KIAA1549L: variants seen among roughly 807,000 people sequenced by gnomAD.
The protein encoded by KIAA1549L is KIAA1549 like.
Under a neutral mutation model 160.7 loss-of-function variants are expected in KIAA1549L, and 88 were observed. The ratio of observed to expected loss-of-function variants is 0.55; its 90% CI spans 0.46 to 0.65. The LOEUF is 0.65. KIAA1549L is among the 30% of genes least tolerant of loss of function. The probability of loss-of-function intolerance (pLI) is 0.00; values close to 1 mark genes in which losing one functional copy is unlikely to be tolerated. For synonymous variants in KIAA1549L, 950 were observed against 976.7 expected, an observed-to-expected ratio of 0.97 and a Z score of 0.51; for missense variants, 2,258 against 2,437.5, an observed-to-expected ratio of 0.93 and a Z score of 1.55.
intron 12 of KIAA1549L, among the ~76,000 whole-genome samples, chr11:33,596,225 T>A (rs761435): frequency 1.3e-5 from 2 of 152,030 alleles, no homozygotes; most frequent in African/African-American, 4.8e-5. Flanking sequence ...TGAGTGGACA[T>A]GCATGCACAA....
rs1256311096 is a variant in KIAA1549L, at chr11:33,672,413, AG to A, written c.*4261del. 6.6e-6 allele frequency: 1 copy of A among 152,362 alleles called. No individual in the cohort carries two copies. Among genetic ancestry groups the A allele is most frequent in the Non-Finnish European group, 1.5e-5 (1 of 68,106 alleles). 9.4% of individuals were successfully genotyped at this position (152,362 alleles called of 1,614,324 possible). On this transcript the variant is annotated 3_prime_UTR_variant, in exon 21 of 21. Transcript: ENST00000658780. Reference sequence around the variant, plus strand: ...CCTATGGGTGAGCCACCCTGGGGTCAGGTGCCTGTCCAATCACCTGTTACCA... The same window carrying A: ...CCTATGGGTGAGCCACCCTGGGGTCAGTGCCTGTCCAATCACCTGTTACCA...
At chr11:33,493,171 C>T (rs549004263) in intron 1 of KIAA1549L, among the ~76,000 whole-genome samples, 1 of 151,998 alleles carries the variant, frequency 6.6e-6, no homozygotes, top group East Asian at 1.9e-4. Flanking sequence ...GAATGTGTCT[C>T]CCAAAAAGCA....
At chr11:33,604,876 T>C (rs1403236352) in intron 13 of KIAA1549L, among the ~76,000 whole-genome samples, 3 of 152,184 alleles carry the variant, frequency 2.0e-5, no homozygotes, top group African/African-American at 7.2e-5. Context: ...ACGGGTACAC[T>C]AAAATCTCAG....
chr11:33,475,342 G>A lies in KIAA1549L; in HGVS notation c.239-66460G>A, dbSNP rs1025119647. Among the ~76,000 whole-genome samples the A allele has an allele frequency of 5.9e-5, 9 of 152,048 alleles. No homozygotes were observed. In the East Asian group the frequency reaches 7.7e-4, roughly 13 times the overall value. On this transcript the variant is annotated intron_variant, in intron 1 of 20. Coordinates refer to ENST00000658780, the MANE Select transcript of KIAA1549L (RefSeq NM_012194.3). ...TGTAAATATAGCCTGTTTCTTCTCCGTTTAATGGCTCTTAAACAAAAGTGC... is the reference window on the plus strand; with the variant it reads ...TGTAAATATAGCCTGTTTCTTCTCCATTTAATGGCTCTTAAACAAAAGTGC...
intron 1 of KIAA1549L, among the ~76,000 whole-genome samples, chr11:33,508,258 T>C (rs1017614613): frequency 2.0e-5 from 3 of 152,212 alleles, no homozygotes; most frequent in African/African-American, 7.2e-5. Flanking sequence ...GGACTGGATG[T>C]TGAGCAAGCC....
chr11:33,462,382 C>T (rs1380231112), intron 1 of KIAA1549L, among the ~76,000 whole-genome samples: 1 of 152,122 alleles, frequency 6.6e-6, no homozygotes, highest in Non-Finnish European at 1.5e-5. Flanking sequence ...TTGAAGGTTT[C>T]AACAAAATCA....
At chr11:33,638,007 TCTC>T (rs1258773343) in intron 16 of KIAA1549L, among the ~76,000 whole-genome samples, 5 of 152,176 alleles carry the variant, frequency 3.3e-5, no homozygotes, top group Non-Finnish European at 7.4e-5. Flanking sequence ...GGCAACCTCT[TCTC>T]CTCCTTCAGG....
intron 1 of KIAA1549L, among the ~76,000 whole-genome samples, chr11:33,419,853 AT>A (rs1405237956): frequency 6.8e-6 from 1 of 146,672 alleles, no homozygotes; most frequent in Non-Finnish European, 1.5e-5. Context: ...TTTAAAAAAA[AT>A]GTTATACATA....
At chr11:33,578,074 G>T (rs1409836534) in intron 10 of KIAA1549L, among the ~76,000 whole-genome samples, 4 of 152,166 alleles carry the variant, frequency 2.6e-5, no homozygotes, top group African/African-American at 9.7e-5. Flanking sequence ...CTTGGGACGG[G>T]CATGAAAAGG....
At chr11:33,566,057 A>C (rs2133229257) in intron 8 of KIAA1549L, among the ~76,000 whole-genome samples, 1 of 152,194 alleles carries the variant, frequency 6.6e-6, no homozygotes, top group Non-Finnish European at 1.5e-5. Context: ...CCTAACATAA[A>C]AGTTACCATT....
intron 16 of KIAA1549L, among the ~76,000 whole-genome samples, chr11:33,640,116 G>C (rs1590428362): frequency 6.9e-6 from 1 of 144,564 alleles, no homozygotes; most frequent in African/African-American, 2.9e-5. Context: ...CTGCATATAT[G>C]TGTGTGTGTT....
intron 17 of KIAA1549L, among the ~76,000 whole-genome samples, chr11:33,650,912 C>T (rs1851865127): frequency 6.6e-6 from 1 of 152,150 alleles, no homozygotes; most frequent in South Asian, 2.1e-4. Context: ...TAGAGGCAGA[C>T]ACAGGTTCCT....
At chr11:33,461,283 G>A (rs1055207891) in intron 1 of KIAA1549L, among the ~76,000 whole-genome samples, 12 of 152,188 alleles carry the variant, frequency 7.9e-5, no homozygotes, top group African/African-American at 2.4e-4. Flanking sequence ...CATCTACCAC[G>A]TACCAGGCAC....
At chr11:33,383,695 G>C (rs1471193636) in intron 1 of KIAA1549L, among the ~76,000 whole-genome samples, 1 of 152,122 alleles carries the variant, frequency 6.6e-6, no homozygotes, top group African/African-American at 2.4e-5. Flanking sequence ...GGTGGCAGGT[G>C]GGTAAAGTAC....
chr11:33,551,942 T>G lies in KIAA1549L; in HGVS notation c.3722-166T>G, dbSNP rs189800453. Among the ~76,000 whole-genome samples, 22 of 152,350 alleles carry G rather than the reference T, an allele frequency of 1.4e-4. 1 individual carries two copies. On this transcript the variant is annotated intron_variant, in intron 5 of 20. Transcript: ENST00000658780. ...ATTCTTCTGTGTTATATAATTCATC[T>G]TAGGAGCCACTTTCAAAACTACAAG... is the stretch of plus-strand genomic sequence containing the variant.
chr11:33,544,746 T>G, intron 2 of KIAA1549L, 21 bp from the exon 3 acceptor site: 1 of 1,558,126 alleles, frequency 6.4e-7, no homozygotes, highest in Non-Finnish European at 8.7e-7. Context: ...ATGACAAACT[T>G]TGTTTTTTCT....
Position 33,583,376 on chromosome 11 carries a change from G to A in KIAA1549L, c.4441G>A (p.Ala1481Thr), listed in dbSNP as rs754838512. The change falls in exon 11 of 21, where the codon GCT becomes ACT. Residue 1481 changes from alanine to threonine, a missense_variant. Ala to Thr is a moderately conservative substitution (Grantham distance 58). Coordinates refer to ENST00000658780, the MANE Select transcript of KIAA1549L (RefSeq NM_012194.3). ...CCCGCCCAATAACCTGTGGATCATC[G>A]CTGCAGTGCTGGCGCCCATTGCCGT... ...KNPPNNLWII[A>T]AVLAPIAVVT... The A allele has an allele frequency of 8.1e-6, 13 of 1,605,524 alleles. No homozygotes were observed. Among genetic ancestry groups the A allele is most frequent in the Admixed American group, 1.7e-5 (1 of 58,860 alleles).
intron 15 of KIAA1549L, among the ~76,000 whole-genome samples, chr11:33,612,982 AT>A (rs567076101): frequency 7.6e-4 from 115 of 152,000 alleles, no homozygotes; most frequent in Non-Finnish European, 1.1e-3. Context: ...TATGTATCAC[AT>A]TTTTTTTCAT....
chr11:33,506,178 G>A (rs1167901868), intron 1 of KIAA1549L, among the ~76,000 whole-genome samples: 1 of 152,178 alleles, frequency 6.6e-6, no homozygotes, highest in Non-Finnish European at 1.5e-5. Flanking sequence ...GTTCTGGAAA[G>A]AGCTCTGCAC....
Sources: gnomAD v4.1 joint callset for allele counts (sites outside exome capture counted in the v4.1 genomes callset) on GRCh38, gnomAD v4.1.1 for gene constraint, MANE v1.5 for transcripts, NCBI Gene and HGNC (gene_info 2026-07-23, HGNC 2026-07-21) for gene names.